PPP3R1: variants seen among roughly 807,000 people sequenced by gnomAD.
The protein encoded by PPP3R1 is calcineurin subunit B type 1.
A neutral mutation model predicts 22.6 loss-of-function variants in PPP3R1; 5 were observed. That is an observed-to-expected ratio of 0.22 (90% CI 0.12 to 0.46). The LOEUF is 0.46. Ranked by LOEUF, PPP3R1 falls within the 20% of genes least tolerant of loss-of-function variation. The pLI is 0.99. For synonymous variants in PPP3R1, 56 were observed against 65.2 expected, an observed-to-expected ratio of 0.86 and a Z score of 0.68; for missense variants, 61 against 203.2, an observed-to-expected ratio of 0.30 and a Z score of 4.25.
At chr2:68,199,491 C>T (rs1239879980) in intron 2 of PPP3R1, among the ~76,000 whole-genome samples, 1 of 152,216 alleles carries the variant, frequency 6.6e-6, no homozygotes, top group East Asian at 1.9e-4. Flanking sequence ...TCAAATACAA[C>T]GTTGATTAGA....
intron 2 of PPP3R1, among the ~76,000 whole-genome samples, chr2:68,209,332 C>G (rs1411621743): frequency 8.8e-6 from 1 of 113,550 alleles, no homozygotes; most frequent in East Asian, 2.9e-4. Flanking sequence ...GCACTCCAGC[C>G]TGGGCGACAG....
At position 68,195,871 on chromosome 2, in the gene PPP3R1, C is replaced by T. The variant is rs79884561; in HGVS notation, c.44-7181G>A. On this transcript the variant is annotated intron_variant, in intron 2 of 5. Transcript: ENST00000234310. ...TTAGATCTTCAGGTTGGCTCCTATG[C>T]GGCCTTTCCAACAACCTTTTTTTTT... Among the ~76,000 whole-genome samples the T allele has an allele frequency of 5.9e-5, 9 of 151,506 alleles. No homozygotes were observed. The East Asian group carries it at 7.7e-4, about 13-fold the overall frequency.
intron 1 of PPP3R1, among the ~76,000 whole-genome samples, chr2:68,222,492 TC>T (rs964843472): frequency 1.3e-5 from 2 of 152,210 alleles, no homozygotes; most frequent in Admixed American, 1.3e-4. Context: ...CATCCATCTG[TC>T]CAGCACCTAA....
At chr2:68,227,455 A>C (rs890025363) in intron 1 of PPP3R1, among the ~76,000 whole-genome samples, 1 of 152,040 alleles carries the variant, frequency 6.6e-6, no homozygotes, top group Non-Finnish European at 1.5e-5. Context: ...CTTATTCTTA[A>C]ATACAAAGCA....
rs1380980760 is a variant in PPP3R1 at position 68,180,342 on chromosome 2, A to G, written c.*621T>C. 1.3e-5 allele frequency: 2 copies of G among 152,658 alleles called. No individual in the cohort carries two copies. The highest frequency in any genetic ancestry group is 2.9e-5 in the Non-Finnish European group (2 of 68,042). 9.5% of individuals were successfully genotyped at this position (152,658 alleles called of 1,614,324 possible). ...CTGGATATATTCATAAGTATAAATA[A>G]AGTTACAGACTCCTTTGTTACAAAA... is the stretch of plus-strand genomic sequence containing the variant. On this transcript the variant is annotated 3_prime_UTR_variant, in exon 6 of 6. Transcript: ENST00000234310.
At chr2:68,218,228 T>G (rs1669616211) in intron 1 of PPP3R1, among the ~76,000 whole-genome samples, 1 of 152,120 alleles carries the variant, frequency 6.6e-6, no homozygotes, top group African/African-American at 2.4e-5. Flanking sequence ...ATATATATCT[T>G]CAGAAGCTAC....
Position 68,252,467 on chromosome 2 carries a change from G to C in PPP3R1, c.-340C>G. ...CGGGAAACTCGGGGGCTGCAGCCTC[G>C]CGCTCGCGCCGGAGCCGTGACGGAC... On this transcript the variant is annotated 5_prime_UTR_variant, in exon 1 of 6. Coordinates refer to ENST00000234310, the MANE Select transcript of PPP3R1 (RefSeq NM_000945.4). 1 of 988,428 alleles carries C rather than the reference G, an allele frequency of 1.0e-6. No homozygotes were observed. The highest frequency in any genetic ancestry group is 1.2e-6 in the Non-Finnish European group (1 of 832,702). The allele number at this position is 988,428 out of a possible 1,614,324, so 61.2% of individuals were successfully genotyped here.
intron 1 of PPP3R1, among the ~76,000 whole-genome samples, chr2:68,242,149 C>T (rs2103809763): frequency 6.6e-6 from 1 of 152,248 alleles, no homozygotes; most frequent in Non-Finnish European, 1.5e-5. Context: ...AAGAAATGCA[C>T]CAGGCGCGGT....
intron 1 of PPP3R1, among the ~76,000 whole-genome samples, chr2:68,227,145 T>C (rs937844358): frequency 1.3e-5 from 2 of 152,106 alleles, no homozygotes; most frequent in African/African-American, 4.8e-5. Flanking sequence ...CTTGTCACTT[T>C]AAGATCAAAG....
At chr2:68,185,919 A>T (rs183787764) in intron 5 of PPP3R1, among the ~76,000 whole-genome samples, 19 of 152,390 alleles carry the variant, frequency 1.2e-4, no homozygotes, top group Admixed American at 5.9e-4. Context: ...GCTACACTTC[A>T]GTTCTCACAT....
intron 2 of PPP3R1, among the ~76,000 whole-genome samples, chr2:68,207,215 A>G (rs1474020355): frequency 4.6e-5 from 5 of 108,136 alleles, no homozygotes; most frequent in African/African-American, 1.3e-4. Flanking sequence ...AGTCAGGAAA[A>G]TATGATAAAA....
intron 1 of PPP3R1, among the ~76,000 whole-genome samples, chr2:68,250,554 A>AT (rs571323164): frequency 1.6e-4 from 24 of 152,372 alleles, no homozygotes; most frequent in South Asian, 4.1e-4. Flanking sequence ...AGGAAATTCT[A>AT]TTAAAGCACT....
intron 2 of PPP3R1, 107 bp from the exon 3 acceptor site, chr2:68,188,797 G>C: frequency 1.1e-6 from 1 of 892,322 alleles, no homozygotes; most frequent in Non-Finnish European, 1.6e-6. Context: ...TTATAGGGGG[G>C]AAAAAAAATC....
At chr2:68,243,940 C>T (rs1670181749) in intron 1 of PPP3R1, among the ~76,000 whole-genome samples, 1 of 152,014 alleles carries the variant, frequency 6.6e-6, no homozygotes, top group African/African-American at 2.4e-5. Flanking sequence ...ACACAAAAAA[C>T]TCTTCGAAGA....
At chr2:68,226,932 G>A (rs1185553033) in intron 1 of PPP3R1, among the ~76,000 whole-genome samples, 1 of 151,928 alleles carries the variant, frequency 6.6e-6, no homozygotes, top group African/African-American at 2.4e-5. Context: ...ATTTGGATCT[G>A]CATACATTTT....
At chr2:68,195,316 T>C (rs1469803421) in intron 2 of PPP3R1, among the ~76,000 whole-genome samples, 2 of 152,166 alleles carry the variant, frequency 1.3e-5, no homozygotes, top group Non-Finnish European at 2.9e-5. Flanking sequence ...ATGATTAGAA[T>C]GCATTTAGGC....
chr2:68,224,520 C>T (rs1487288969), intron 1 of PPP3R1, among the ~76,000 whole-genome samples: 1 of 151,868 alleles, frequency 6.6e-6, no homozygotes, highest in South Asian at 2.1e-4. Context: ...AAAAACTAGC[C>T]GGGCGTGGTG....
At chr2:68,185,403 T>C (rs1237239780) in intron 5 of PPP3R1, among the ~76,000 whole-genome samples, 1 of 147,712 alleles carries the variant, frequency 6.8e-6, no homozygotes, top group East Asian at 1.9e-4. Context: ...CAAGTAATCT[T>C]CATTTATATA....
At chr2:68,239,335 T>C (rs1305331370) in intron 1 of PPP3R1, among the ~76,000 whole-genome samples, 1 of 152,214 alleles carries the variant, frequency 6.6e-6, no homozygotes, top group African/African-American at 2.4e-5. Flanking sequence ...TAAGTCAATT[T>C]GTGTTACAGA....
Sources: allele counts gnomAD v4.1 joint callset (sites outside exome capture counted in the v4.1 genomes callset), GRCh38; gene constraint gnomAD v4.1.1; transcripts MANE v1.5; gene names NCBI Gene and HGNC (gene_info 2026-07-23, HGNC 2026-07-21).